RGS3: variants seen among roughly 807,000 people sequenced by gnomAD.
RGS3 encodes the protein regulator of G-protein signalling 3.
A neutral mutation model predicts 132.6 loss-of-function variants in RGS3; 80 were observed. The ratio of observed to expected loss-of-function variants is 0.60; its 90% confidence interval spans 0.50 to 0.73. The LOEUF (loss-of-function observed/expected upper bound fraction) is 0.73, where lower values mean the gene tolerates loss of function less well. Among genes scored for constraint, RGS3 ranks in the 30% least tolerant of loss-of-function variants. The pLI is 0.00. For synonymous variants in RGS3, 598 were observed against 620.6 expected (o/e 0.96, Z 0.54); for missense variants, 1,382 against 1,530.8 (o/e 0.90, Z 1.62).
In RGS3 at chr9:113,594,107, C is replaced by G. The variant is rs1244145561; in HGVS notation, c.3081-323C>G. The G allele has an allele frequency of 3.1e-6, 5 of 1,613,144 alleles. No homozygotes were observed. In the South Asian group the frequency reaches 5.5e-5, roughly 18 times the overall value. ...TGGCTCCTCCTGTCTGAGTCCCAGC[C>G]CCGGCTTGTGCCTGGGAGTCCAGTC... is the stretch of plus-strand genomic sequence containing the variant. On this transcript the variant is annotated intron_variant, in intron 21 of 24. Coordinates refer to ENST00000350696, the Ensembl canonical transcript of RGS3.
chr9:113,549,209 T>G (rs1034064011), intron 19 of RGS3, among the ~76,000 whole-genome samples: 4 of 152,178 alleles, frequency 2.6e-5, no homozygotes, highest in African/African-American at 9.7e-5. Context: ...TTCCTCTCAC[T>G]AGCCATGGGA....
chr9:113,484,062 A>C, intron 5 of RGS3, 76 bp from the exon 4 acceptor site: 1 of 858,288 alleles, frequency 1.2e-6, no homozygotes, highest in Non-Finnish European at 2.0e-6. Context: ...TTTAACTTGG[A>C]GATGTGCAGA....
chr9:113,560,568 C>G (rs1564570194), intron 19 of RGS3, among the ~76,000 whole-genome samples: 1 of 152,244 alleles, frequency 6.6e-6, no homozygotes, highest in African/African-American at 2.4e-5. Context: ...CCGGCCAGCT[C>G]TGTATCCTTA....
intron 20 of RGS3, among the ~76,000 whole-genome samples, chr9:113,590,521 C>T (rs892319377): frequency 1.3e-5 from 2 of 151,492 alleles, no homozygotes; most frequent in Non-Finnish European, 2.9e-5. Context: ...TCCATCCATC[C>T]ATCCATCCAC....
At chr9:113,524,846 T>A (rs1329011663) in intron 17 of RGS3, among the ~76,000 whole-genome samples, 1 of 152,196 alleles carries the variant, frequency 6.6e-6, no homozygotes, top group Non-Finnish European at 1.5e-5. Flanking sequence ...GATCTCCCCT[T>A]CTGGAGGCCC....
At chr9:113,568,084 T>TATAG (rs535772876) in intron 19 of RGS3, among the ~76,000 whole-genome samples, 1 of 152,206 alleles carries the variant, frequency 6.6e-6, no homozygotes, top group Non-Finnish European at 1.5e-5. Flanking sequence ...TGCACCAAAC[T>TATAG]ATAGATAGAT....
intron 10 of RGS3, among the ~76,000 whole-genome samples, chr9:113,500,630 T>C (rs1304868794): frequency 6.6e-6 from 1 of 151,998 alleles, no homozygotes; most frequent in Non-Finnish European, 1.5e-5. Context: ...ATGGTCCATG[T>C]GTATCACCAG....
At position 113,507,454 on chromosome 9, in the gene RGS3, C is replaced by A. The variant is rs746403797; in HGVS notation, c.1253C>A (p.Pro418His). 4 of 1,613,836 alleles carry A rather than the reference C, an allele frequency of 2.5e-6. No individual in the cohort carries two copies. Among genetic ancestry groups the A allele is most frequent in the South Asian group, 2.2e-5 (2 of 91,074 alleles). The change falls in exon 13 of 25, where the codon CCT (proline) becomes CAT (histidine). Residue 418 changes from proline (P) to histidine (H), a missense_variant. Pro to His is a moderately conservative substitution (Grantham distance 77). Transcript: ENST00000350696. This position sits in a 1 kb window ranked among gnomAD's most constrained non-coding sequence, Gnocchi z 5.0. ...TGCACCCATGGGGTCCAGGCACGGC[C>A]TGAGCAGCGCCACAGCTGCCACCTG...
At chr9:113,445,682 GT>G (rs1357432854) in intron 1 of RGS3, among the ~76,000 whole-genome samples, 2 of 152,102 alleles carry the variant, frequency 1.3e-5, no homozygotes, top group Non-Finnish European at 2.9e-5. Flanking sequence ...CATTGATTTT[GT>G]TTTTGTATGT....
chr9:113,564,842 C>A, intron 19 of RGS3: 1 of 810,038 alleles, frequency 1.2e-6, no homozygotes, highest in Non-Finnish European at 1.5e-6. Flanking sequence ...TGGAAGTCAG[C>A]GTGTGCTGGC....
intron 19 of RGS3, among the ~76,000 whole-genome samples, chr9:113,553,459 AAT>A (rs1217293385): frequency 0.022 from 1,303 of 58,378 alleles, 54 homozygotes; most frequent in Middle Eastern, 0.091. Context: ...AAAAAAAAAA[AAT>A]ATATATATAT....
At chr9:113,540,035 C>A (rs1832839691) in intron 19 of RGS3, among the ~76,000 whole-genome samples, 1 of 152,004 alleles carries the variant, frequency 6.6e-6, no homozygotes, top group Admixed American at 6.6e-5. Context: ...ATCTAGTATC[C>A]ATTTTTTGTA....
upstream of RGS3, among the ~76,000 whole-genome samples, chr9:113,456,781 A>G (rs560159442): frequency 6.6e-6 from 1 of 152,278 alleles, no homozygotes; most frequent in Non-Finnish European, 1.5e-5. Context: ...CTTATAATAA[A>G]ATATGCAGCC....
At chr9:113,479,178 A>G (rs774636607) in intron 3 of RGS3, 17 of 374,430 alleles carry the variant, frequency 4.5e-5, no homozygotes, top group Non-Finnish European at 7.3e-5. Flanking sequence ...ACCTTTACCA[A>G]CATTTGACAA....
At chr9:113,584,518 C>T in intron 20 of RGS3, 91 bp downstream of exon 18, 1 of 1,349,734 alleles carries the variant, frequency 7.4e-7, no homozygotes. Context: ...CACCATGTTC[C>T]ACCCCCACTA....
rs1462507131 is a variant in RGS3 at position 113,506,428 on chromosome 9, G to A, written c.1020G>A (p.Thr340=). 13 of 1,596,428 alleles carry A rather than the reference G, an allele frequency of 8.1e-6. No homozygotes were observed. The highest frequency in any genetic ancestry group is 4.6e-5 in the South Asian group (4 of 87,400). ...GGGCAGGGCTGCAGCAGCTGGACAC[G>A]GTGCTGCAGCTGAATGAGAGGCCTG... The change falls in exon 12 of 25, where the codon ACG becomes ACA. Residue 340 remains threonine (T), a synonymous_variant. Coordinates refer to ENST00000350696, the Ensembl canonical transcript of RGS3. This position sits in a 1 kb window ranked among gnomAD's most constrained non-coding sequence, Gnocchi z 4.7.
At chr9:113,514,734 G>A in intron 15 of RGS3, 80 bp downstream of exon 13, 3 of 1,401,110 alleles carry the variant, frequency 2.1e-6, no homozygotes, top group Non-Finnish European at 3.0e-6. Context: ...ACTCAGGGAT[G>A]ATGACTTATC....
At chr9:113,458,310 A>G (rs978523421), upstream of RGS3, among the ~76,000 whole-genome samples, 1 of 152,364 alleles carries the variant, frequency 6.6e-6, no homozygotes, top group South Asian at 2.1e-4. Flanking sequence ...TTGAAAATGT[A>G]AAATGCATCC....
chr9:113,449,588 G>A (rs1829193220), intron 1 of RGS3, among the ~76,000 whole-genome samples: 1 of 152,070 alleles, frequency 6.6e-6, no homozygotes, highest in East Asian at 1.9e-4. Flanking sequence ...AGATGGGGAA[G>A]GTCAAGTTGC....
Sources: gnomAD v4.1 joint callset for allele counts (sites outside exome capture counted in the v4.1 genomes callset) on GRCh38, gnomAD v4.1.1 for gene constraint, Gnocchi (gnomAD v3.1) non-coding constraint, MANE v1.5 for transcripts, NCBI Gene and HGNC (gene_info 2026-07-23, HGNC 2026-07-21) for gene names.